Variants in DCDC2 observed in about 807,000 individuals in gnomAD.
The protein encoded by DCDC2 is doublecortin domain containing 2, also known as doublecortin domain-containing protein 2.
In DCDC2, 40 loss-of-function variants were observed where a neutral mutation model predicts 50.2. That is an observed-to-expected ratio of 0.80 (90% CI 0.62 to 1.04). DCDC2 has a LOEUF of 1.04. Ranked by LOEUF, DCDC2 falls within the 50% of genes least tolerant of loss-of-function variation. The pLI is 0.00. For synonymous variants in DCDC2, 234 were observed against 210.6 expected (o/e 1.11, Z -0.96); for missense variants, 570 against 581.9 (o/e 0.98, Z 0.21).
At chr6:24,175,367 A>G (rs1760879669) in intron 9 of DCDC2, among the ~76,000 whole-genome samples, 2 of 152,202 alleles carry the variant, frequency 1.3e-5, no homozygotes, top group South Asian at 4.1e-4. Flanking sequence ...TTTCCTGTTA[A>G]TAATGACATT....
chr6:24,315,210 T>G (rs908398918), intron 2 of DCDC2, among the ~76,000 whole-genome samples: 12 of 150,646 alleles, frequency 8.0e-5, no homozygotes, highest in Admixed American at 6.6e-4. Context: ...CCATAAATAG[T>G]CCCAGATAAT....
intron 8 of DCDC2, among the ~76,000 whole-genome samples, chr6:24,195,853 C>T (rs768823115): frequency 3.3e-5 from 5 of 152,202 alleles, no homozygotes; most frequent in Admixed American, 6.5e-5. Flanking sequence ...GCCAGCAGTG[C>T]CTCTGCTCAC....
At chr6:24,369,152 A>T in the DCDC2 span, among the ~76,000 whole-genome samples, 1 of 141,580 alleles carries the variant, frequency 7.1e-6, no homozygotes, top group Non-Finnish European at 1.6e-5. Context: ...AAAAAAAAAA[A>T]ACCAAAAAGA....
chr6:24,338,195 A>T (rs995034278), intron 2 of DCDC2, among the ~76,000 whole-genome samples: 1 of 152,214 alleles, frequency 6.6e-6, no homozygotes, highest in South Asian at 2.1e-4. Flanking sequence ...TACTTAGAAC[A>T]ACACTGACTA....
the DCDC2 span, among the ~76,000 whole-genome samples, chr6:24,378,279 C>T: frequency 5.9e-5 from 9 of 152,132 alleles, no homozygotes; most frequent in East Asian, 1.9e-4. Flanking sequence ...TTTCCCCTCC[C>T]GCTTCTGTGT....
chr6:24,359,132 T>A (rs367900943), upstream of DCDC2, among the ~76,000 whole-genome samples: 6 of 65,852 alleles, frequency 9.1e-5, no homozygotes, highest in East Asian at 1.6e-3. Context: ...TATTATATAT[T>A]TTATATATAT....
chr6:24,207,628 G>A (rs370389478), intron 7 of DCDC2, among the ~76,000 whole-genome samples: 4 of 152,104 alleles, frequency 2.6e-5, no homozygotes, highest in African/African-American at 7.2e-5. Flanking sequence ...AGAGACATGC[G>A]ATGTTTACTC....
chr6:24,289,506 C>A (rs1763692909), intron 5 of DCDC2, among the ~76,000 whole-genome samples: 1 of 152,130 alleles, frequency 6.6e-6, no homozygotes, highest in Admixed American at 6.5e-5. Flanking sequence ...AAAAAAAATT[C>A]TTATTAATTG....
intron 2 of DCDC2, among the ~76,000 whole-genome samples, chr6:24,319,288 T>C (rs368785995): frequency 9.4e-4 from 6 of 6,364 alleles, no homozygotes; most frequent in South Asian, 7.9e-3. Flanking sequence ...ATTTGTGGGG[T>C]TTTTTTTTTT....
chr6:24,256,274 ATTT>A (rs1554114222), intron 7 of DCDC2, among the ~76,000 whole-genome samples: 2 of 143,552 alleles, frequency 1.4e-5, no homozygotes, highest in Non-Finnish European at 3.0e-5. Flanking sequence ...GATGCTGGAC[ATTT>A]TTTTTTTTTT....
intron 4 of DCDC2, among the ~76,000 whole-genome samples, chr6:24,298,234 G>A: frequency 6.6e-6 from 1 of 152,198 alleles, no homozygotes. Context: ...AGGGGGTGGA[G>A]TGCAGGCGGT....
the DCDC2 span, among the ~76,000 whole-genome samples, chr6:24,368,209 G>T: frequency 3.0e-4 from 45 of 152,098 alleles, no homozygotes; most frequent in African/African-American, 1.1e-3. Flanking sequence ...TGAAAGAAGG[G>T]TTAGGAGCTA....
chr6:24,247,892 T>C (rs368611022), intron 7 of DCDC2, among the ~76,000 whole-genome samples: 1 of 152,156 alleles, frequency 6.6e-6, no homozygotes, highest in Non-Finnish European at 1.5e-5. Flanking sequence ...CTGGCCAACA[T>C]GGTGAAACCC....
intron 2 of DCDC2, among the ~76,000 whole-genome samples, chr6:24,316,500 C>T (rs1212487897): frequency 6.6e-6 from 1 of 152,058 alleles, no homozygotes; most frequent in African/African-American, 2.4e-5. Context: ...GAAACAAATG[C>T]CTAAATACTG....
chr6:24,176,805 T>C (rs1760923986), intron 9 of DCDC2, among the ~76,000 whole-genome samples: 3 of 152,216 alleles, frequency 2.0e-5, no homozygotes, highest in African/African-American at 7.2e-5. Flanking sequence ...CATTCTACCT[T>C]CTACTTCTAT....
At chr6:24,327,765 G>A (rs897170233) in intron 2 of DCDC2, among the ~76,000 whole-genome samples, 4 of 152,034 alleles carry the variant, frequency 2.6e-5, no homozygotes, top group African/African-American at 4.8e-5. Flanking sequence ...GTGAGCCACC[G>A]CGCCTGGCAA....
intron 2 of DCDC2, among the ~76,000 whole-genome samples, chr6:24,323,335 T>C (rs935229571): frequency 5.3e-5 from 8 of 152,148 alleles, no homozygotes; most frequent in African/African-American, 1.2e-4. Flanking sequence ...CCTAAGGAGA[T>C]AGGAACACCA....
chr6:24,357,573 C>A lies in DCDC2; in HGVS notation c.178G>T (p.Gly60Trp). The change falls in exon 1 of 10, where the codon GGG becomes TGG. Residue 60 changes from glycine (G) to tryptophan (W), a missense_variant. Gly to Trp is a radical substitution (Grantham distance 184). Transcript: ENST00000378454. Reference protein sequence around the residue: ...EVTGGVQAPFGAVRNIYTPRT... With the variant: ...EVTGGVQAPFWAVRNIYTPRT... Reference sequence around the variant, plus strand: ...GGGGTGTAGATGTTCCTGACGGCCCCAAAGGGTGCCTGAACGCCGCCGGTC... The same window carrying A: ...GGGGTGTAGATGTTCCTGACGGCCCAAAAGGGTGCCTGAACGCCGCCGGTC... 1 of 1,613,444 alleles carries A rather than the reference C, an allele frequency of 6.2e-7. No homozygotes were observed. The highest frequency in any genetic ancestry group is 8.5e-7 in the Non-Finnish European group (1 of 1,180,012).
intron 4 of DCDC2, among the ~76,000 whole-genome samples, chr6:24,295,687 C>G (rs886204797): frequency 6.6e-6 from 1 of 152,246 alleles, no homozygotes; most frequent in African/African-American, 2.4e-5. Flanking sequence ...AACACCCAAG[C>G]TGAGCACCAT....
Sources: gnomAD v4.1 joint callset for allele counts (sites outside exome capture counted in the v4.1 genomes callset) on GRCh38, gnomAD v4.1.1 for gene constraint, MANE v1.5 for transcripts, NCBI Gene and HGNC (gene_info 2026-07-23, HGNC 2026-07-21) for gene names.